SLC8A3: variants seen among roughly 807,000 people sequenced by gnomAD.
The protein encoded by SLC8A3 is sodium/calcium exchanger 3.
SLC8A3 carries 37 observed loss-of-function variants against 65.4 expected under a neutral mutation model. The observed-to-expected ratio is 0.57, with a 90% CI of 0.44 to 0.74. The LOEUF is 0.74. Ranked by LOEUF, SLC8A3 falls within the 30% of genes least tolerant of loss-of-function variation. SLC8A3 has a pLI of 0.00. For missense variants in SLC8A3, 1,112 were observed against 1,172.1 expected, an observed-to-expected ratio of 0.95 and a Z score of 0.75; for synonymous variants, 461 against 444.5, an observed-to-expected ratio of 1.04 and a Z score of -0.47.
At chr14:70,073,914 G>C (rs17107753) in intron 2 of SLC8A3, among the ~76,000 whole-genome samples, 29,618 of 152,184 alleles carry the variant, frequency 0.19, 3,042 homozygotes, top group Non-Finnish European at 0.22. Context: ...ATTTCTGGTG[G>C]ATAATTTCTA....
intron 2 of SLC8A3, among the ~76,000 whole-genome samples, chr14:70,139,295 TGAA>T (rs1199964305): frequency 6.6e-6 from 1 of 152,060 alleles, no homozygotes; most frequent in African/African-American, 2.4e-5. Flanking sequence ...CAAAGCCAAG[TGAA>T]GGGGTGCCAG....
chr14:70,136,439 C>T (rs989343259), intron 2 of SLC8A3, among the ~76,000 whole-genome samples: 13 of 152,194 alleles, frequency 8.5e-5, no homozygotes, highest in African/African-American at 2.7e-4. Context: ...TGATAAGGCT[C>T]CTGTCCACCT....
chr14:70,099,537 G>A (rs1284201198), intron 2 of SLC8A3, among the ~76,000 whole-genome samples: 1 of 152,206 alleles, frequency 6.6e-6, no homozygotes, highest in African/African-American at 2.4e-5. Flanking sequence ...AAGAGTGCCT[G>A]TCTCATAGAG....
intron 2 of SLC8A3, among the ~76,000 whole-genome samples, chr14:70,144,451 A>G (rs1895789520): frequency 6.6e-6 from 1 of 151,454 alleles, no homozygotes; most frequent in South Asian, 2.1e-4. Flanking sequence ...CCAACAGGGC[A>G]AAACCCCATC....
At chr14:70,126,913 T>A (rs1242080057) in intron 2 of SLC8A3, among the ~76,000 whole-genome samples, 1 of 151,042 alleles carries the variant, frequency 6.6e-6, no homozygotes, top group Non-Finnish European at 1.5e-5. Context: ...AAAAAAAAAA[T>A]CCAAAATCCA....
chr14:70,175,552 C>T (rs1368876935), intron 1 of SLC8A3, among the ~76,000 whole-genome samples: 3 of 152,066 alleles, frequency 2.0e-5, no homozygotes, highest in Admixed American at 1.3e-4. Flanking sequence ...AAGCCTTCCC[C>T]GAAAATGCAT....
chr14:70,144,507 G>A (rs528829423), intron 2 of SLC8A3, among the ~76,000 whole-genome samples: 3 of 151,714 alleles, frequency 2.0e-5, no homozygotes, highest in Middle Eastern at 3.4e-3. Context: ...GCACACGCCT[G>A]TAATCCCAGC....
chr14:70,062,651 G>A (rs1027742188), intron 2 of SLC8A3, among the ~76,000 whole-genome samples: 1 of 152,180 alleles, frequency 6.6e-6, no homozygotes, highest in Non-Finnish European at 1.5e-5. Context: ...TATCCTTATT[G>A]CTAAGTGATG....
rs774755318 is a variant in SLC8A3, at chr14:70,048,788, C to T, written c.2368G>A (p.Ala790Thr). Residue 790 changes from alanine to threonine, a missense_variant, in exon 6 of 7, where the codon GCA (alanine) becomes ACA (threonine). Coordinates refer to ENST00000356921, the MANE Select transcript of SLC8A3 (RefSeq NM_182932.3). ...TCACCTGGGACAGAGGTGCCAAATG[C>T]CACGAAAACAACAGCTGTGACTGAA... The part of the protein sequence containing the change: ...KDSVTAVVFV[A>T]FGTSVPDTFA... 2.5e-6 allele frequency: 4 copies of T among 1,613,742 alleles called. No homozygotes were observed. In the Admixed American group the frequency reaches 6.7e-5, roughly 27 times the overall value.
chr14:70,161,795 T>A (rs190014963), intron 2 of SLC8A3, among the ~76,000 whole-genome samples: 3 of 152,376 alleles, frequency 2.0e-5, no homozygotes, highest in East Asian at 3.9e-4. Context: ...AATTGGAGAA[T>A]GTGCAAATTG....
chr14:70,147,483 C>T (rs1895998497), intron 2 of SLC8A3, among the ~76,000 whole-genome samples: 1 of 152,100 alleles, frequency 6.6e-6, no homozygotes, highest in Non-Finnish European at 1.5e-5. Context: ...CATTTGGGAC[C>T]TGTGATTATT....
At chr14:70,072,726 CA>C in intron 2 of SLC8A3, among the ~76,000 whole-genome samples, 1 of 152,186 alleles carries the variant, frequency 6.6e-6, no homozygotes, top group Admixed American at 6.5e-5. Flanking sequence ...CGACTCACTG[CA>C]ACCTTTGCCT....
intron 1 of SLC8A3, among the ~76,000 whole-genome samples, chr14:70,181,225 C>T (rs1034764975): frequency 2.0e-5 from 3 of 152,152 alleles, no homozygotes; most frequent in Admixed American, 6.5e-5. Context: ...CAATTCATTG[C>T]CTCCTCTATG....
At chr14:70,101,755 C>A (rs1205468610) in intron 2 of SLC8A3, among the ~76,000 whole-genome samples, 1 of 152,186 alleles carries the variant, frequency 6.6e-6, no homozygotes, top group South Asian at 2.1e-4. Context: ...GCAAACAGTG[C>A]AAACTTACAA....
chr14:70,060,658 G>A (rs747910216), intron 3 of SLC8A3, 178 bp downstream of exon 3: 18 of 739,582 alleles, frequency 2.4e-5, no homozygotes, highest in African/African-American at 1.4e-4. Flanking sequence ...GGGTGAGAGC[G>A]AGAATACAGG....
intron 1 of SLC8A3, among the ~76,000 whole-genome samples, chr14:70,180,192 C>A (rs1331066381): frequency 1.3e-5 from 2 of 152,246 alleles, no homozygotes; most frequent in East Asian, 3.8e-4. Flanking sequence ...TGCTGGTGAT[C>A]AGCCTCCTTT....
At chr14:70,186,607 C>A (rs1384763986) in intron 1 of SLC8A3, among the ~76,000 whole-genome samples, 2 of 152,184 alleles carry the variant, frequency 1.3e-5, no homozygotes, top group Non-Finnish European at 2.9e-5. Flanking sequence ...TTCCTCTCAA[C>A]CCAGTATCTA....
At chr14:70,069,803 C>T (rs1889841101) in intron 2 of SLC8A3, among the ~76,000 whole-genome samples, 2 of 152,194 alleles carry the variant, frequency 1.3e-5, no homozygotes, top group Non-Finnish European at 1.5e-5. Context: ...GTCATCTCGT[C>T]CCTGAAAGCG....
intron 2 of SLC8A3, chr14:70,063,922 T>C (rs576409514): frequency 1.9e-6 from 3 of 1,591,222 alleles, no homozygotes; most frequent in African/African-American, 1.3e-5. Context: ...TTGATGTGAA[T>C]TGTTTTGCTG....
Sources: allele counts gnomAD v4.1 joint callset (sites outside exome capture counted in the v4.1 genomes callset), GRCh38; gene constraint gnomAD v4.1.1; transcripts MANE v1.5; gene names NCBI Gene and HGNC (gene_info 2026-07-23, HGNC 2026-07-21).